The following MMP16 variants were observed in gnomAD, a reference collection of about 807,000 sequenced individuals.
MMP16 encodes the protein matrix metalloproteinase-16.
Under a neutral mutation model 67.8 loss-of-function variants are expected in MMP16, and 12 were observed. The observed-to-expected ratio is 0.18, with a 90% CI of 0.11 to 0.29. MMP16 has a LOEUF of 0.29. MMP16 is among the 10% of genes least tolerant of loss of function. The pLI is 1.00. For synonymous variants in MMP16, 249 were observed against 255.9 expected, an observed-to-expected ratio of 0.97 and a Z score of 0.26; for missense variants, 475 against 765.7, an observed-to-expected ratio of 0.62 and a Z score of 4.48.
chr8:88,116,338 G>A (rs932447009), intron 6 of MMP16, among the ~76,000 whole-genome samples, 169 bp downstream of exon 6: 1 of 151,992 alleles, frequency 6.6e-6, no homozygotes, highest in African/African-American at 2.4e-5. Context: ...GCAATCTTCT[G>A]CTAGACATTT....
At chr8:88,223,031 C>A (rs1809710864) in intron 1 of MMP16, among the ~76,000 whole-genome samples, 1 of 152,084 alleles carries the variant, frequency 6.6e-6, no homozygotes, top group Admixed American at 6.6e-5. Context: ...AAAAAATGGG[C>A]AAAGGATATG....
chr8:88,184,801 T>C (rs1465503303), intron 3 of MMP16, among the ~76,000 whole-genome samples: 1 of 135,564 alleles, frequency 7.4e-6, no homozygotes, highest in Non-Finnish European at 1.6e-5. Flanking sequence ...GAATCCATGT[T>C]TTCCTCTCAG....
intron 6 of MMP16, among the ~76,000 whole-genome samples, chr8:88,075,676 T>G (rs28725286): frequency 0.19 from 28,170 of 152,088 alleles, 2,718 homozygotes; most frequent in Non-Finnish European, 0.22. Context: ...AAAAATTGAT[T>G]TTAATACAAT....
intron 4 of MMP16, among the ~76,000 whole-genome samples, chr8:88,135,807 T>C (rs1036011998): frequency 1.3e-5 from 2 of 151,732 alleles, no homozygotes; most frequent in Non-Finnish European, 2.9e-5. Flanking sequence ...CTATAGCAGG[T>C]CTGGGGACAT....
chr8:88,243,780 A>G (rs1395208867), intron 1 of MMP16, among the ~76,000 whole-genome samples: 1 of 152,148 alleles, frequency 6.6e-6, no homozygotes, highest in Non-Finnish European at 1.5e-5. Context: ...GTATGACACC[A>G]TTGTTTTATT....
chr8:88,264,068 AGTGT>A (rs71277993), intron 1 of MMP16, among the ~76,000 whole-genome samples: 104,392 of 141,194 alleles, frequency 0.74, 39,598 homozygotes, highest in East Asian at 0.96. Context: ...GGAGAGAGAG[AGTGT>A]GTGTGTGTGT....
chr8:88,149,340 G>A (rs1042440515), intron 4 of MMP16, among the ~76,000 whole-genome samples: 3 of 152,150 alleles, frequency 2.0e-5, no homozygotes, highest in East Asian at 1.9e-4. Context: ...CGGGAACCTC[G>A]AACTGGGTGG....
intron 3 of MMP16, among the ~76,000 whole-genome samples, chr8:88,179,419 T>C (rs1808943853): frequency 6.6e-6 from 1 of 151,486 alleles, no homozygotes; most frequent in African/African-American, 2.4e-5. Context: ...TAAAAACACT[T>C]ATTGTCTACA....
intron 1 of MMP16, among the ~76,000 whole-genome samples, chr8:88,244,847 G>C (rs1220955661): frequency 1.3e-5 from 2 of 152,098 alleles, no homozygotes; most frequent in African/African-American, 4.8e-5. Flanking sequence ...ATTTCTCCTA[G>C]TCTCAGTTGA....
chr8:88,201,364 G>C lies in MMP16; in HGVS notation c.133-4058C>G, dbSNP rs549371796. On this transcript the variant is annotated intron_variant, in intron 1 of 9. Coordinates refer to ENST00000286614, the MANE Select transcript of MMP16 (RefSeq NM_005941.5). The stretch of plus-strand genomic sequence containing the variant: ...GTTATTTCAGGTTATTTCAAGTATA[G>C]TTAATTTCCACCTAATGTGGTATGG... Among the ~76,000 whole-genome samples, 3 of 152,066 alleles carry C rather than the reference G, an allele frequency of 2.0e-5. No homozygotes were observed. In the South Asian group the frequency reaches 6.2e-4, roughly 32 times the overall value.
chr8:88,273,248 C>CTTTTTTTTTTTT, intron 1 of MMP16, among the ~76,000 whole-genome samples: 1 of 132,326 alleles, frequency 7.6e-6, no homozygotes, highest in Non-Finnish European at 1.6e-5. Context: ...CCATGCCTGG[C>CTTTTTTTTTTTT]TTTTTTTTTT....
intron 3 of MMP16, among the ~76,000 whole-genome samples, chr8:88,184,667 A>T (rs1809039858): frequency 7.5e-6 from 1 of 133,802 alleles, no homozygotes. Context: ...GGATCCCTTG[A>T]GCCTGGGAGG....
intron 1 of MMP16, among the ~76,000 whole-genome samples, chr8:88,262,799 G>A (rs1246055599): frequency 1.5e-5 from 2 of 132,792 alleles, no homozygotes; most frequent in African/African-American, 5.5e-5. Context: ...TCAGGAGATC[G>A]TAGCCATCCT....
intron 1 of MMP16, among the ~76,000 whole-genome samples, chr8:88,267,785 C>T (rs1455101308): frequency 6.6e-6 from 1 of 151,974 alleles, no homozygotes; most frequent in Non-Finnish European, 1.5e-5. Flanking sequence ...TGTTTATTAA[C>T]AAATAAGTAA....
chr8:88,266,047 A>T (rs1810471968), intron 1 of MMP16, among the ~76,000 whole-genome samples: 1 of 152,230 alleles, frequency 6.6e-6, no homozygotes, highest in Non-Finnish European at 1.5e-5. Flanking sequence ...CACCACTGGC[A>T]TTCTGCAAGG....
intron 4 of MMP16, among the ~76,000 whole-genome samples, chr8:88,126,293 G>A (rs1445712337): frequency 6.6e-6 from 1 of 151,782 alleles, no homozygotes; most frequent in Non-Finnish European, 1.5e-5. Flanking sequence ...GAGTAGTTCG[G>A]TATCTCTGAG....
intron 1 of MMP16, among the ~76,000 whole-genome samples, chr8:88,316,033 T>C (rs918209410): frequency 6.6e-6 from 1 of 152,118 alleles, no homozygotes; most frequent in African/African-American, 2.4e-5. Flanking sequence ...CAAAGCCTAA[T>C]CCAGAGCAAG....
At chr8:88,074,114 A>G (rs933680287) in intron 7 of MMP16, among the ~76,000 whole-genome samples, 1 of 152,196 alleles carries the variant, frequency 6.6e-6, no homozygotes, top group Non-Finnish European at 1.5e-5. Flanking sequence ...TAAATAACAG[A>G]CAATACATTT....
chr8:88,263,605 C>G (rs1810424549), intron 1 of MMP16, among the ~76,000 whole-genome samples: 1 of 152,106 alleles, frequency 6.6e-6, no homozygotes, highest in Non-Finnish European at 1.5e-5. Context: ...CCAGGCTTCT[C>G]TCCTTGGCTT....
Sources: allele counts gnomAD v4.1 joint callset (sites outside exome capture counted in the v4.1 genomes callset), GRCh38; gene constraint gnomAD v4.1.1; transcripts MANE v1.5; gene names NCBI Gene and HGNC (gene_info 2026-07-23, HGNC 2026-07-21).